The following GALNT13 variants were observed in gnomAD, a reference collection of about 807,000 sequenced individuals.
The protein encoded by GALNT13 is UDP-GalNAc:polypeptide N-acetylgalactosaminyltransferase 13.
Under a neutral mutation model 64.2 loss-of-function variants are expected in GALNT13, and 28 were observed. The observed-to-expected ratio is 0.44, with a 90% CI of 0.32 to 0.60. GALNT13 has a LOEUF of 0.60. Ranked by LOEUF, GALNT13 falls within the 20% of genes least tolerant of loss-of-function variation. The pLI is 0.05. For synonymous variants in GALNT13, 214 were observed against 224.6 expected, an observed-to-expected ratio of 0.95 and a Z score of 0.42; for missense variants, 577 against 669.8, an observed-to-expected ratio of 0.86 and a Z score of 1.53.
the GALNT13 span, among the ~76,000 whole-genome samples, chr2:153,686,064 A>G: frequency 6.6e-6 from 1 of 152,038 alleles, no homozygotes; most frequent in Non-Finnish European, 1.5e-5. Flanking sequence ...TATAATTTGA[A>G]GTCAGTTAGC....
the GALNT13 span, among the ~76,000 whole-genome samples, chr2:153,358,126 T>C: frequency 1.3e-5 from 2 of 152,210 alleles, no homozygotes; most frequent in African/African-American, 4.8e-5. Flanking sequence ...TAAATATAAC[T>C]CTTGATTCCC....
intron 8 of GALNT13, among the ~76,000 whole-genome samples, chr2:154,284,552 T>C (rs539731892): frequency 0.071 from 7,793 of 109,216 alleles, 212 homozygotes; most frequent in Middle Eastern, 0.098. Flanking sequence ...CACACACACA[T>C]ATATATGTAT....
At chr2:154,174,849 G>C (rs1343870773) in intron 4 of GALNT13, among the ~76,000 whole-genome samples, 1 of 150,582 alleles carries the variant, frequency 6.6e-6, no homozygotes, top group Admixed American at 6.6e-5. Flanking sequence ...TTTTCTAGCT[G>C]CATGTCTATT....
chr2:153,638,353 G>C, the GALNT13 span, among the ~76,000 whole-genome samples: 1 of 152,192 alleles, frequency 6.6e-6, no homozygotes, highest in South Asian at 2.1e-4. Flanking sequence ...CAATATGAAG[G>C]CAATAGAGGA....
chr2:153,298,296 T>G, the GALNT13 span, among the ~76,000 whole-genome samples: 1 of 152,176 alleles, frequency 6.6e-6, no homozygotes, highest in Non-Finnish European at 1.5e-5. Flanking sequence ...GATCACACAC[T>G]CAAAGACAGA....
At chr2:153,473,459 A>AT in the GALNT13 span, among the ~76,000 whole-genome samples, 2 of 152,208 alleles carry the variant, frequency 1.3e-5, no homozygotes, top group Admixed American at 6.5e-5. Context: ...ACAAAGTGAG[A>AT]TTGGCCATGG....
the GALNT13 span, among the ~76,000 whole-genome samples, chr2:153,571,805 T>C: frequency 6.6e-6 from 1 of 152,046 alleles, no homozygotes; most frequent in African/African-American, 2.4e-5. Context: ...TCCCATTTGG[T>C]CATGTTGAAT....
At chr2:154,421,360 A>G (rs76255040) in intron 11 of GALNT13, among the ~76,000 whole-genome samples, 2 of 152,108 alleles carry the variant, frequency 1.3e-5, no homozygotes, top group Non-Finnish European at 2.9e-5. Context: ...TGGAAGCTAC[A>G]CATCGATATG....
the GALNT13 span, among the ~76,000 whole-genome samples, chr2:153,701,000 C>T: frequency 1.3e-5 from 2 of 151,850 alleles, no homozygotes; most frequent in Admixed American, 1.3e-4. Context: ...AACTTCTTTA[C>T]ATTTCATATG....
intron 12 of GALNT13, among the ~76,000 whole-genome samples, chr2:154,442,012 T>C (rs1220985094): frequency 6.6e-6 from 1 of 152,094 alleles, no homozygotes; most frequent in Non-Finnish European, 1.5e-5. Flanking sequence ...CTACATTGCC[T>C]CTTGATGTTG....
chr2:153,565,479 CGTGT>C, the GALNT13 span, among the ~76,000 whole-genome samples: 8 of 151,812 alleles, frequency 5.3e-5, no homozygotes, highest in Admixed American at 5.3e-4. Context: ...TATGTATATG[CGTGT>C]GTGTATGTTT....
At chr2:153,664,034 A>G in the GALNT13 span, among the ~76,000 whole-genome samples, 5 of 152,170 alleles carry the variant, frequency 3.3e-5, no homozygotes, top group Non-Finnish European at 5.9e-5. Context: ...CAAAATTAGA[A>G]TTACTGATGA....
the GALNT13 span, among the ~76,000 whole-genome samples, chr2:153,108,494 T>G: frequency 1.2e-4 from 18 of 152,238 alleles, no homozygotes; most frequent in South Asian, 3.7e-3. Context: ...AACTTGGGAA[T>G]GGAAAGGATA....
At chr2:154,121,805 A>T (rs1681959170) in intron 3 of GALNT13, among the ~76,000 whole-genome samples, 1 of 151,910 alleles carries the variant, frequency 6.6e-6, no homozygotes, top group African/African-American at 2.4e-5. Context: ...AAGTAATGAC[A>T]ATTTTATTTC....
At chr2:154,375,088 T>C (rs1401883350) in intron 9 of GALNT13, among the ~76,000 whole-genome samples, 3 of 152,090 alleles carry the variant, frequency 2.0e-5, no homozygotes, top group African/African-American at 4.8e-5. Context: ...CCGGGGTTCA[T>C]GCCATTCTCT....
At chr2:153,407,962 A>G in the GALNT13 span, among the ~76,000 whole-genome samples, 732 of 152,300 alleles carry the variant, frequency 4.8e-3, 3 homozygotes, top group African/African-American at 0.017. Context: ...GTGTCATAGC[A>G]TCGAAATGCG....
chr2:154,419,153 C>T (rs1700147214), intron 11 of GALNT13, among the ~76,000 whole-genome samples: 1 of 152,000 alleles, frequency 6.6e-6, no homozygotes, highest in African/African-American at 2.4e-5. Flanking sequence ...AGCAAAAAAT[C>T]AACAAGTAAC....
At chr2:154,204,163 T>C (rs957882739) in intron 4 of GALNT13, among the ~76,000 whole-genome samples, 2 of 152,154 alleles carry the variant, frequency 1.3e-5, no homozygotes, top group African/African-American at 4.8e-5. Context: ...GCCTCCTCAT[T>C]AATAAAGTCT....
the GALNT13 span, among the ~76,000 whole-genome samples, chr2:153,607,701 A>G: frequency 6.6e-6 from 1 of 152,112 alleles, no homozygotes; most frequent in Admixed American, 6.6e-5. Context: ...ACTTTGAAAT[A>G]AGGTTCTGTT....
Sources: gnomAD v4.1 joint callset for allele counts (sites outside exome capture counted in the v4.1 genomes callset) on GRCh38, gnomAD v4.1.1 for gene constraint, MANE v1.5 for transcripts, NCBI Gene and HGNC (gene_info 2026-07-23, HGNC 2026-07-21) for gene names.